SPAG9: variants seen among roughly 807,000 people sequenced by gnomAD.
SPAG9 encodes sperm associated antigen 9, also known as C-Jun-amino-terminal kinase-interacting protein 4.
A neutral mutation model predicts 166.5 loss-of-function variants in SPAG9; 35 were observed. That is an observed-to-expected ratio of 0.21 (90% CI 0.16 to 0.28). The LOEUF is 0.28. SPAG9 is among the 10% of genes least tolerant of loss of function. The pLI, the probability that SPAG9 is intolerant of heterozygous loss-of-function variation, is 1.00. For synonymous variants in SPAG9, 534 were observed against 565.5 expected (o/e 0.94, Z 0.79); for missense variants, 1,235 against 1,603.3 (o/e 0.77, Z 3.92).
At chr17:51,003,253 G>A (rs1389993340) in intron 12 of SPAG9, among the ~76,000 whole-genome samples, 1 of 151,812 alleles carries the variant, frequency 6.6e-6, no homozygotes, top group Non-Finnish European at 1.5e-5. Context: ...CTAAAAAATA[G>A]TAATAATACT....
chr17:51,025,783 G>A (rs928790404), intron 6 of SPAG9, among the ~76,000 whole-genome samples: 4 of 151,832 alleles, frequency 2.6e-5, no homozygotes, highest in African/African-American at 9.7e-5. Context: ...TTCCAGCTAC[G>A]AGGAATGCTA....
chr17:51,007,784 A>G, intron 9 of SPAG9: 1 of 435,950 alleles, frequency 2.3e-6, no homozygotes, highest in Non-Finnish European at 4.5e-6. Flanking sequence ...AATAGAGAAC[A>G]GGCAAAAACA....
intron 8 of SPAG9, among the ~76,000 whole-genome samples, chr17:51,015,719 AAAAG>A (rs2045669855): frequency 6.9e-6 from 1 of 145,584 alleles, no homozygotes; most frequent in South Asian, 2.2e-4. Context: ...TGGAAAAAAA[AAAAG>A]AATGAGGGTT....
chr17:51,114,745 A>G (rs2049232795), intron 1 of SPAG9, among the ~76,000 whole-genome samples: 1 of 152,202 alleles, frequency 6.6e-6, no homozygotes, highest in Admixed American at 6.6e-5. Flanking sequence ...TGAGGTCAGG[A>G]GTTTTACACC....
In SPAG9 at chr17:50,993,860, T is replaced by G; in HGVS notation, c.2302A>C (p.Thr768Pro). 1 of 1,614,212 alleles carries G rather than the reference T, an allele frequency of 6.2e-7. No individual in the cohort carries two copies. The highest frequency in any genetic ancestry group is 8.5e-7 in the Non-Finnish European group (1 of 1,180,028). Residue 768 changes from threonine to proline, a missense_variant, in exon 19 of 30, where the codon ACA (threonine) becomes CCA (proline). By Grantham distance (38) the Thr-to-Pro change is conservative. Around this residue, in one of 6 missense-constraint regions of SPAG9, gnomAD observed 493 missense variants for 559.4 expected, o/e 0.88. Coordinates refer to ENST00000262013, the MANE Select transcript of SPAG9 (RefSeq NM_001130528.3). ...ACAGCATCAATAATAAGAACTTTTG[T>G]AGCCGAATGAGTGCTGGTACAGATC... The part of the protein sequence containing the change: ...VWICTSTHSA[T>P]KVLIIDAVQP...
chr17:51,044,753 C>T (rs1298434707), intron 4 of SPAG9, among the ~76,000 whole-genome samples: 1 of 152,108 alleles, frequency 6.6e-6, no homozygotes. Context: ...GGCAGAGTTT[C>T]GATTCAAAGC....
chr17:50,993,171 C>T (rs1207789572), intron 19 of SPAG9, among the ~76,000 whole-genome samples: 1 of 150,412 alleles, frequency 6.6e-6, no homozygotes, highest in African/African-American at 2.4e-5. Flanking sequence ...AAACAATTAG[C>T]CGGGCGTGGT....
chr17:51,015,771 GA>G (rs1406429435), intron 8 of SPAG9, among the ~76,000 whole-genome samples: 1 of 150,674 alleles, frequency 6.6e-6, no homozygotes, highest in Non-Finnish European at 1.5e-5. Flanking sequence ...TAAAATAAAA[GA>G]GATAGGAAAG....
intron 2 of SPAG9, among the ~76,000 whole-genome samples, chr17:51,056,862 A>G (rs932363441): frequency 3.3e-5 from 5 of 152,158 alleles, no homozygotes; most frequent in African/African-American, 1.2e-4. Flanking sequence ...GCAGTTTGTG[A>G]AAGTTGATTG....
At chr17:51,023,541 G>C (rs1459671853) in intron 6 of SPAG9, among the ~76,000 whole-genome samples, 2 of 152,098 alleles carry the variant, frequency 1.3e-5, no homozygotes, top group Admixed American at 1.3e-4. Context: ...TTTGCCCAGA[G>C]AAAGTCACAA....
intron 2 of SPAG9, among the ~76,000 whole-genome samples, chr17:51,063,898 A>ATAAGTAAG (rs549400277): frequency 1.3e-5 from 2 of 152,144 alleles, no homozygotes; most frequent in Non-Finnish European, 2.9e-5. Flanking sequence ...AAATAAATAA[A>ATAAGTAAG]TAAGTAAGTA....
At position 51,082,635 on chromosome 17, in the gene SPAG9, T is replaced by A. The variant is rs557027320; in HGVS notation, c.304-2931A>T. ...CTCAAATATTTGTTAAACAAATGAA[T>A]AAATGAAGAAAATTTTCCAAGTTAA... On this transcript the variant is annotated intron_variant, in intron 1 of 29. Transcript: ENST00000262013. Among the ~76,000 whole-genome samples, 1,110 of 152,192 alleles carry A rather than the reference T, an allele frequency of 7.3e-3. 6 individuals are homozygous for A. The highest frequency in any genetic ancestry group is 0.014 in the South Asian group (67 of 4,822).
rs755751258 is a variant in SPAG9 at position 51,005,233 on chromosome 17, T to C, written c.1455A>G (p.Gln485=). The C allele has an allele frequency of 1.9e-5, 31 of 1,614,026 alleles. No individual in the cohort carries two copies. Among genetic ancestry groups the C allele is most frequent in the Non-Finnish European group, 6.8e-6 (8 of 1,179,984 alleles). ...CTACATCATCGTCATCTTTTGCTTT[T>C]TGCCTTGCATCTTCAGCTTCTGCCC... The part of the protein sequence containing the change: ...KARAEAEDAR[Q]KAKDDDDSDI... The change falls in exon 12 of 30, where the codon CAA becomes CAG. Residue 485 remains glutamine, a synonymous_variant. Transcript: ENST00000262013.
intron 6 of SPAG9, among the ~76,000 whole-genome samples, chr17:51,030,547 T>C (rs774842772): frequency 6.6e-5 from 10 of 152,236 alleles, no homozygotes; most frequent in Non-Finnish European, 1.0e-4. Context: ...GATTTACAGC[T>C]ATGTGGCATA....
intron 14 of SPAG9, among the ~76,000 whole-genome samples, chr17:50,999,085 T>C (rs1464608361): frequency 1.3e-5 from 2 of 152,234 alleles, no homozygotes; most frequent in African/African-American, 4.8e-5. Context: ...ACACATTTTA[T>C]ACATTTTCTG....
chr17:51,066,567 G>GA lies in SPAG9; in HGVS notation c.425-10086dup, dbSNP rs71149340. 4.7e-4 allele frequency among the ~76,000 whole-genome samples: 52 copies of GA among 110,822 alleles called. 1 individual carries two copies. Among genetic ancestry groups the GA allele is most frequent in the South Asian group, 1.5e-3 (5 of 3,288 alleles). 72.7% of individuals were successfully genotyped at this position (110,822 alleles called of 152,430 possible). A position where few individuals can be genotyped will look rare whatever the true frequency, so the allele number is the denominator to read the frequency against. ...GAGACTCTGTCTCAAAAAAAAAAAA[G>GA]AAAAAAAAAAAAAAGACCATGGCTC... On this transcript the variant is annotated intron_variant, in intron 2 of 29. Coordinates refer to ENST00000262013, the MANE Select transcript of SPAG9 (RefSeq NM_001130528.3).
intron 1 of SPAG9, among the ~76,000 whole-genome samples, chr17:51,106,656 G>C (rs931195862): frequency 2.0e-5 from 3 of 152,018 alleles, no homozygotes; most frequent in African/African-American, 7.2e-5. Context: ...AATTAGCCAG[G>C]TGTGGTGGCA....
At chr17:51,111,756 C>T (rs558254680) in intron 1 of SPAG9, among the ~76,000 whole-genome samples, 90 of 152,248 alleles carry the variant, frequency 5.9e-4, no homozygotes, top group African/African-American at 1.5e-3. Context: ...GCGTCCGCCA[C>T]CATGCCCAGT....
Position 50,971,240 on chromosome 17 carries a change from A to C in SPAG9, c.3701-384T>G, listed in dbSNP as rs563440492. 2.6e-5 allele frequency among the ~76,000 whole-genome samples: 4 copies of C among 152,144 alleles called. No homozygotes were observed. The South Asian group carries it at 8.3e-4, about 32-fold the overall frequency. Reference sequence around the variant, plus strand: ...AAAGATCACTTGAGCCCAGGAGTTCAGTGTTGCAGTGAGCTGTGATGCGCC... The same window carrying C: ...AAAGATCACTTGAGCCCAGGAGTTCCGTGTTGCAGTGAGCTGTGATGCGCC... On this transcript the variant is annotated intron_variant, in intron 28 of 29. Transcript: ENST00000262013.
Sources: allele counts gnomAD v4.1 joint callset (sites outside exome capture counted in the v4.1 genomes callset), GRCh38; gene constraint gnomAD v4.1.1; regional missense constraint gnomAD v4.1.1; transcripts MANE v1.5; gene names NCBI Gene and HGNC (gene_info 2026-07-23, HGNC 2026-07-21).